Variants in FAF1 observed in about 807,000 individuals in gnomAD.
FAF1 encodes the protein Fas associated factor 1, also known as FAS-associated factor 1.
FAF1 carries 25 observed loss-of-function variants against 92.5 expected under a neutral mutation model. That is an observed-to-expected ratio of 0.27 (90% CI 0.20 to 0.38). The LOEUF (loss-of-function observed/expected upper bound fraction) is 0.38, where lower values mean the gene tolerates loss of function less well. FAF1 is among the 10% of genes least tolerant of loss of function. The pLI is 1.00. For synonymous variants in FAF1, 234 were observed against 273.2 expected (o/e 0.86, Z 1.42); for missense variants, 636 against 793.3 (o/e 0.80, Z 2.38).
chr1:50,877,513 T>C (rs928789839), intron 1 of FAF1, among the ~76,000 whole-genome samples: 2 of 152,142 alleles, frequency 1.3e-5, no homozygotes, highest in African/African-American at 4.8e-5. Flanking sequence ...AAATATCATA[T>C]ATTATGTATT....
chr1:50,546,949 T>C (rs561962889), intron 13 of FAF1, among the ~76,000 whole-genome samples: 1 of 152,244 alleles, frequency 6.6e-6, no homozygotes, highest in South Asian at 2.1e-4. Flanking sequence ...TTTGCAGTGG[T>C]GTGATATTGG....
At chr1:50,529,554 A>G (rs1317467925) in intron 15 of FAF1, among the ~76,000 whole-genome samples, 1 of 152,228 alleles carries the variant, frequency 6.6e-6, no homozygotes, top group Admixed American at 6.5e-5. Context: ...ATCTTAGTAG[A>G]TAGGTACTCC....
chr1:50,788,034 A>G lies in FAF1; in HGVS notation c.333T>C (p.Asn111=), dbSNP rs1661425991. The change falls in exon 4 of 19, where the codon AAT becomes AAC. Residue 111 remains asparagine, a synonymous_variant. Transcript: ENST00000396153. The part of the protein sequence containing the change: ...LDFRVEYRDR[N]VDVVLEDTCT... Reference sequence around the variant, plus strand: ...AGGTGTCTTCAAGTACCACATCAACATTTCTGTCTCTGTATTCAACCCTGA... The same window carrying G: ...AGGTGTCTTCAAGTACCACATCAACGTTTCTGTCTCTGTATTCAACCCTGA... 6.2e-7 allele frequency: 1 copy of G among 1,613,954 alleles called. No homozygotes were observed. Among genetic ancestry groups the G allele is most frequent in the African/African-American group, 1.3e-5 (1 of 74,888 alleles).
chr1:50,861,397 G>T (rs1644431317), intron 1 of FAF1, among the ~76,000 whole-genome samples: 2 of 151,762 alleles, frequency 1.3e-5, no homozygotes, highest in African/African-American at 4.8e-5. Context: ...GATAGGATTA[G>T]TGCCCTTACA....
chr1:50,505,952 C>G (rs1455851515), intron 15 of FAF1, among the ~76,000 whole-genome samples: 1 of 152,010 alleles, frequency 6.6e-6, no homozygotes, highest in Non-Finnish European at 1.5e-5. Flanking sequence ...CTGTTCATTA[C>G]AAAAAAATCA....
chr1:50,882,404 G>A (rs1009491177), intron 1 of FAF1, among the ~76,000 whole-genome samples: 1 of 151,670 alleles, frequency 6.6e-6, no homozygotes, highest in African/African-American at 2.4e-5. Flanking sequence ...GATCAGCCTG[G>A]CCAACATGGT....
intron 1 of FAF1, among the ~76,000 whole-genome samples, chr1:50,912,440 C>T (rs968385772): frequency 1.1e-4 from 16 of 152,204 alleles, no homozygotes; most frequent in African/African-American, 3.9e-4. Flanking sequence ...AGGAGCCTTG[C>T]CCACCACCTG....
chr1:50,895,534 C>G (rs1467972372), intron 1 of FAF1, among the ~76,000 whole-genome samples: 1 of 152,054 alleles, frequency 6.6e-6, no homozygotes, highest in Non-Finnish European at 1.5e-5. Flanking sequence ...GCCAGTGTTA[C>G]CTTGATAGCA....
intron 7 of FAF1, among the ~76,000 whole-genome samples, chr1:50,661,823 C>T (rs1442282045): frequency 1.3e-5 from 2 of 152,124 alleles, no homozygotes; most frequent in Non-Finnish European, 1.5e-5. Flanking sequence ...ATTCAGAATG[C>T]GTTCTGAACA....
intron 1 of FAF1, among the ~76,000 whole-genome samples, chr1:50,872,439 A>C (rs553323420): frequency 6.6e-6 from 1 of 152,330 alleles, no homozygotes; most frequent in East Asian, 1.9e-4. Context: ...TGAGCAAAAA[A>C]AGTGGTTTCT....
chr1:50,734,270 G>A (rs1659047515), intron 6 of FAF1, among the ~76,000 whole-genome samples: 1 of 151,864 alleles, frequency 6.6e-6, no homozygotes, highest in Admixed American at 6.6e-5. Flanking sequence ...TTCATTTCTT[G>A]TTTATCCATG....
At chr1:50,776,546 T>G (rs898251696) in intron 4 of FAF1, among the ~76,000 whole-genome samples, 2 of 152,146 alleles carry the variant, frequency 1.3e-5, no homozygotes, top group Non-Finnish European at 2.9e-5. Context: ...GAAAAAATAC[T>G]TAATAGTCCA....
intron 1 of FAF1, among the ~76,000 whole-genome samples, chr1:50,928,266 T>C (rs1645021334): frequency 6.6e-6 from 1 of 152,150 alleles, no homozygotes. Flanking sequence ...AAAATGAAAG[T>C]CAACTTCTAC....
At chr1:50,491,860 A>G in intron 15 of FAF1, 59 bp from the exon 16 acceptor site, 12 of 1,268,762 alleles carry the variant, frequency 9.5e-6, no homozygotes, top group Non-Finnish European at 1.1e-6. Context: ...AAAAAAAGAG[A>G]AAAAAAACTA....
At chr1:50,926,969 T>C (rs943747525) in intron 1 of FAF1, among the ~76,000 whole-genome samples, 2 of 152,172 alleles carry the variant, frequency 1.3e-5, no homozygotes, top group Non-Finnish European at 2.9e-5. Context: ...ATAAAACGGA[T>C]GTAACTTAAA....
chr1:50,748,028 T>G (rs1208186211), intron 4 of FAF1, among the ~76,000 whole-genome samples: 1 of 152,188 alleles, frequency 6.6e-6, no homozygotes, highest in East Asian at 1.9e-4. Flanking sequence ...CCTTTTTTCT[T>G]TATAAATTAC....
chr1:50,703,005 T>TA (rs201118983), intron 7 of FAF1, among the ~76,000 whole-genome samples: 62 of 151,422 alleles, frequency 4.1e-4, no homozygotes, highest in Admixed American at 3.3e-4. Context: ...TTTCAAAAAT[T>TA]AAAAAAAATA....
rs74080031 is a variant in FAF1 at position 50,634,622 on chromosome 1, T to G, written c.744+20820A>C. Among the ~76,000 whole-genome samples the G allele has an allele frequency of 7.7e-3, 1,167 of 152,310 alleles. 13 individuals carry two copies. Among genetic ancestry groups the G allele is most frequent in the African/African-American group, 0.027 (1,128 of 41,570 alleles). ...AACAAAAAAGAACCTGTTTGTGGTT[T>G]TTGTTTGTTTTAAAGAGCAGGGGTG... On this transcript the variant is annotated intron_variant, in intron 8 of 18. Transcript: ENST00000396153.
At chr1:50,643,400 T>C (rs1654437634) in intron 8 of FAF1, among the ~76,000 whole-genome samples, 1 of 152,178 alleles carries the variant, frequency 6.6e-6, no homozygotes, top group Admixed American at 6.5e-5. Context: ...ATATTGCTTA[T>C]TAATTTTTTT....
Sources: allele counts gnomAD v4.1 joint callset (sites outside exome capture counted in the v4.1 genomes callset), GRCh38; gene constraint gnomAD v4.1.1; transcripts MANE v1.5; gene names NCBI Gene and HGNC (gene_info 2026-07-23, HGNC 2026-07-21).